Variants in CTNNA3 observed in about 807,000 individuals in gnomAD.
The protein encoded by CTNNA3 is catenin alpha-3.
A neutral mutation model predicts 95.7 loss-of-function variants in CTNNA3; 76 were observed. That is an observed-to-expected ratio of 0.79 (90% confidence interval 0.66 to 0.96). CTNNA3 has a LOEUF of 0.96. Among genes scored for constraint, CTNNA3 ranks in the 40% least tolerant of loss-of-function variants. The pLI is 0.00. For synonymous variants in CTNNA3, 431 were observed against 374.4 expected (o/e 1.15, Z -1.74); for missense variants, 1,191 against 1,089.8 (o/e 1.09, Z -1.31).
chr10:66,506,761 A>G (rs1840463625), intron 11 of CTNNA3, among the ~76,000 whole-genome samples: 1 of 152,132 alleles, frequency 6.6e-6, no homozygotes, highest in South Asian at 2.1e-4. Context: ...ATGATTAACA[A>G]TCTCCAATTT....
intron 13 of CTNNA3, among the ~76,000 whole-genome samples, chr10:66,222,622 A>AAGAAAGAAAGAAAGAG (rs1554895442): frequency 3.1e-5 from 2 of 65,230 alleles, no homozygotes; most frequent in South Asian, 1.0e-3. Flanking sequence ...GAAAGAAAGA[A>AAGAAAGAAAGAAAGAG]AAAGAAAGAA....
rs1418795219 is a variant in CTNNA3, at chr10:67,366,361, TA to T, written c.580-146492del. ...ATCCTAGAACTTAAAGTATAAAAAA[TA>T]AAATAAAATAAAGAAAAGAAATTCA... On this transcript the variant is annotated intron_variant, in intron 5 of 17. Coordinates refer to ENST00000433211, the MANE Select transcript of CTNNA3 (RefSeq NM_013266.4). Among the ~76,000 whole-genome samples, 80 of 66,706 alleles carry T rather than the reference TA, an allele frequency of 1.2e-3. No individual in the cohort carries two copies. The East Asian group carries it at 0.024, about 20-fold the overall frequency. 43.8% of individuals were successfully genotyped at this position (66,706 alleles called of 152,430 possible). A position where few individuals can be genotyped will look rare whatever the true frequency, so the allele number is the denominator to read the frequency against.
At chr10:66,836,435 T>TC in intron 7 of CTNNA3, among the ~76,000 whole-genome samples, 1 of 152,162 alleles carries the variant, frequency 6.6e-6, no homozygotes, top group African/African-American at 2.4e-5. Context: ...ATAGTAAATT[T>TC]CCCCAAATGG....
At chr10:66,605,311 A>G (rs1844079463) in intron 10 of CTNNA3, among the ~76,000 whole-genome samples, 2 of 152,286 alleles carry the variant, frequency 1.3e-5, no homozygotes, top group South Asian at 2.1e-4. Flanking sequence ...GAGATTATGT[A>G]AAGAAACAAA....
intron 9 of CTNNA3, among the ~76,000 whole-genome samples, chr10:66,736,803 C>G (rs1344566388): frequency 6.6e-6 from 1 of 152,046 alleles, no homozygotes. Flanking sequence ...TGTGGTCTTA[C>G]AATTTTTGAG....
chr10:66,023,395 A>T (rs1003937971), intron 15 of CTNNA3, among the ~76,000 whole-genome samples: 1 of 78,364 alleles, frequency 1.3e-5, no homozygotes, highest in Admixed American at 1.4e-4. Context: ...TTTAAGTGGC[A>T]AACAGAGAGA....
At chr10:67,690,102 T>G (rs1006854057) in intron 1 of CTNNA3, among the ~76,000 whole-genome samples, 1 of 152,188 alleles carries the variant, frequency 6.6e-6, no homozygotes, top group Non-Finnish European at 1.5e-5. Context: ...GATGTTCATA[T>G]GTGTCCGGAG....
intron 7 of CTNNA3, among the ~76,000 whole-genome samples, chr10:66,920,403 T>C (rs1402489432): frequency 6.6e-6 from 1 of 152,206 alleles, no homozygotes; most frequent in East Asian, 1.9e-4. Flanking sequence ...TGAGTCCAAA[T>C]GTTTCCTTAC....
At chr10:66,367,938 C>T (rs1421683828) in intron 12 of CTNNA3, among the ~76,000 whole-genome samples, 1 of 143,220 alleles carries the variant, frequency 7.0e-6, no homozygotes, top group Non-Finnish European at 1.5e-5. Flanking sequence ...TTTCTGGGAG[C>T]CCGCTGACTT....
chr10:66,038,051 T>C (rs2079603387), intron 15 of CTNNA3, among the ~76,000 whole-genome samples: 1 of 152,140 alleles, frequency 6.6e-6, no homozygotes, highest in Non-Finnish European at 1.5e-5. Context: ...AATAACATCA[T>C]TGTCTGTAAT....
intron 5 of CTNNA3, among the ~76,000 whole-genome samples, chr10:67,245,136 C>T (rs1432995546): frequency 6.6e-6 from 1 of 152,140 alleles, no homozygotes; most frequent in African/African-American, 2.4e-5. Context: ...CTCCATGGAC[C>T]TCCTTGCTGC....
intron 9 of CTNNA3, among the ~76,000 whole-genome samples, chr10:66,686,673 A>G (rs961352470): frequency 6.6e-6 from 1 of 152,174 alleles, no homozygotes; most frequent in African/African-American, 2.4e-5. Flanking sequence ...TTCTCCTGGG[A>G]CCAGAGATGA....
intron 7 of CTNNA3, among the ~76,000 whole-genome samples, chr10:67,005,059 G>T (rs1925617): frequency 0.52 from 79,672 of 152,036 alleles, 21,588 homozygotes; most frequent in Middle Eastern, 0.73. Flanking sequence ...CACAATGTGG[G>T]ATTGGTGTTT....
chr10:66,328,955 A>AT (rs34977992), intron 12 of CTNNA3, among the ~76,000 whole-genome samples: 64 of 81,608 alleles, frequency 7.8e-4, no homozygotes, highest in African/African-American at 1.1e-3. Context: ...TATAAATATA[A>AT]TTTTTTTTTT....
At chr10:66,921,528 A>C (rs1172059753) in intron 7 of CTNNA3, among the ~76,000 whole-genome samples, 2 of 152,106 alleles carry the variant, frequency 1.3e-5, no homozygotes, top group Non-Finnish European at 2.9e-5. Context: ...TGGTCTCTCC[A>C]TTCTAGACTC....
At chr10:66,926,592 G>A in intron 7 of CTNNA3, 2 of 1,613,890 alleles carry the variant, frequency 1.2e-6, no homozygotes, top group Non-Finnish European at 1.7e-6. Flanking sequence ...GGATGGGTAT[G>A]TTTTGTCATT....
chr10:66,561,175 A>T (rs1842542274), intron 10 of CTNNA3, among the ~76,000 whole-genome samples: 1 of 152,120 alleles, frequency 6.6e-6, no homozygotes, highest in South Asian at 2.1e-4. Flanking sequence ...GTTTTACAGG[A>T]ATTTTATCTT....
intron 13 of CTNNA3, among the ~76,000 whole-genome samples, chr10:66,248,510 T>A (rs534051534): frequency 1.3e-5 from 2 of 151,838 alleles, no homozygotes; most frequent in African/African-American, 4.8e-5. Flanking sequence ...ATACTTCCCC[T>A]ATAAAGATAA....
At chr10:66,923,349 A>G (rs757280267) in intron 7 of CTNNA3, among the ~76,000 whole-genome samples, 3 of 152,228 alleles carry the variant, frequency 2.0e-5, no homozygotes, top group African/African-American at 2.4e-5. Context: ...AGCAAGAAGC[A>G]CAAAGTTAAT....
Sources: allele counts gnomAD v4.1 joint callset (sites outside exome capture counted in the v4.1 genomes callset), GRCh38; gene constraint gnomAD v4.1.1; transcripts MANE v1.5; gene names NCBI Gene and HGNC (gene_info 2026-07-23, HGNC 2026-07-21).